Variants in DAAM2 observed in about 807,000 individuals in gnomAD.
DAAM2 encodes the protein dishevelled associated activator of morphogenesis 2, also known as disheveled-associated activator of morphogenesis 2.
DAAM2 carries 39 observed loss-of-function variants against 120.7 expected under a neutral mutation model. The observed-to-expected ratio is 0.32, with a 90% confidence interval of 0.25 to 0.42. The LOEUF (loss-of-function observed/expected upper bound fraction) is 0.42. Ranked by LOEUF, DAAM2 falls within the 10% of genes least tolerant of loss-of-function variation. The pLI is 1.00. For synonymous variants in DAAM2, 488 were observed against 524.9 expected (o/e 0.93, Z 0.96); for missense variants, 1,283 against 1,401.7 (o/e 0.92, Z 1.35).
intron 10 of DAAM2, among the ~76,000 whole-genome samples, chr6:39,873,878 G>T (rs139809172): frequency 2.0e-5 from 3 of 152,290 alleles, no homozygotes; most frequent in Non-Finnish European, 4.4e-5. Context: ...TAAGATCCAG[G>T]TGTGCACAGT....
intron 1 of DAAM2, among the ~76,000 whole-genome samples, chr6:39,798,893 G>A (rs1257127572): frequency 4.6e-5 from 7 of 151,914 alleles, no homozygotes; most frequent in South Asian, 2.1e-4. Flanking sequence ...TTGCATTACC[G>A]TCGAGGAAGG....
intron 19 of DAAM2, among the ~76,000 whole-genome samples, 162 bp from the exon 20 acceptor site, chr6:39,896,650 G>A (rs1195236457): frequency 1.3e-5 from 2 of 152,182 alleles, no homozygotes; most frequent in Non-Finnish European, 2.9e-5. Context: ...ATGTGAAATC[G>A]ATGGGTCTGC....
chr6:39,860,053 A>G (rs1764149634), intron 2 of DAAM2, among the ~76,000 whole-genome samples: 2 of 152,246 alleles, frequency 1.3e-5, no homozygotes, highest in Non-Finnish European at 2.9e-5. Flanking sequence ...TGGCCCATTA[A>G]CTAGTCCTTT....
chr6:39,894,802 A>C (rs936159392), intron 19 of DAAM2, among the ~76,000 whole-genome samples: 1 of 151,954 alleles, frequency 6.6e-6, no homozygotes, highest in African/African-American at 2.4e-5. Flanking sequence ...GTATTTTTGT[A>C]GAGACAGGGT....
At chr6:39,832,664 T>C (rs1364951926) in intron 1 of DAAM2, among the ~76,000 whole-genome samples, 1 of 152,090 alleles carries the variant, frequency 6.6e-6, no homozygotes, top group South Asian at 2.1e-4. Context: ...TGAGGGCAGC[T>C]CCCAGTGCCC....
At chr6:39,850,631 C>A (rs1033747959) in intron 1 of DAAM2, among the ~76,000 whole-genome samples, 1 of 152,312 alleles carries the variant, frequency 6.6e-6, no homozygotes, top group Admixed American at 6.5e-5. Flanking sequence ...GGTCTTTGGG[C>A]AACTTGCCTG....
intron 7 of DAAM2, 103 bp downstream of exon 7, chr6:39,869,036 CT>C: frequency 3.4e-6 from 3 of 872,576 alleles, no homozygotes; most frequent in Admixed American, 4.1e-5. Context: ...GCTATTAAAC[CT>C]GGGAGGGCTC....
chr6:39,871,614 G>A (rs1317309618), intron 9 of DAAM2, 42 bp downstream of exon 9: 2 of 1,531,614 alleles, frequency 1.3e-6, no homozygotes, highest in Admixed American at 3.9e-5. Flanking sequence ...TGGGGTAGTA[G>A]GGTTCTTGGT....
intron 1 of DAAM2, chr6:39,848,976 G>C (rs935076006): frequency 6.6e-5 from 10 of 152,162 alleles, no homozygotes; most frequent in African/African-American, 2.4e-4. Flanking sequence ...ATTATGGTTG[G>C]AATCACTAGA....
At chr6:39,864,179 G>A (rs759042847) in intron 3 of DAAM2, among the ~76,000 whole-genome samples, 13 of 152,102 alleles carry the variant, frequency 8.5e-5, no homozygotes, top group Non-Finnish European at 1.3e-4. Flanking sequence ...AATGGTGCAC[G>A]TTGCTCACTG....
At position 39,865,353 on chromosome 6, in the gene DAAM2, T is replaced by A. The variant is rs1764384207; in HGVS notation, c.428+279T>A. Among the ~76,000 whole-genome samples, 2 of 152,212 alleles carry A rather than the reference T, an allele frequency of 1.3e-5. 1 individual carries two copies. The highest frequency in any genetic ancestry group is 6.3e-3 in the Middle Eastern group (2 of 316). On this transcript the variant is annotated intron_variant, in intron 5 of 24. Coordinates refer to ENST00000274867, the MANE Select transcript of DAAM2 (RefSeq NM_001201427.2). The stretch of plus-strand genomic sequence containing the variant: ...GCTTTTTAAAAATTTATTGATTTAT[T>A]TTTGGTAAGGGGATAGAATAGGAGC...
In DAAM2 at chr6:39,879,486, C is replaced by T. The variant is rs969188293; in HGVS notation, c.1845+9C>T. The T allele has an allele frequency of 1.2e-6, 2 of 1,613,926 alleles. No homozygotes were observed. The highest frequency in any genetic ancestry group is 2.7e-5 in the African/African-American group (2 of 74,950). ...GGGTGAAGCTGAATGAGGTGAGCAT[C>T]TGGGAAGGGGCTGGAGGGCCCATTC... is the stretch of plus-strand genomic sequence containing the variant. On this transcript the variant is annotated intron_variant, in intron 14 of 24. Coordinates refer to ENST00000274867, the MANE Select transcript of DAAM2 (RefSeq NM_001201427.2).
intron 1 of DAAM2, among the ~76,000 whole-genome samples, chr6:39,835,039 C>T (rs75641868): frequency 0.031 from 4,702 of 152,288 alleles, 240 homozygotes; most frequent in African/African-American, 0.11. Flanking sequence ...GTGCGCTTCC[C>T]GCATTATGTC....
At chr6:39,816,364 C>T (rs1299009976) in intron 1 of DAAM2, among the ~76,000 whole-genome samples, 1 of 152,204 alleles carries the variant, frequency 6.6e-6, no homozygotes, top group Non-Finnish European at 1.5e-5. Flanking sequence ...GATTTGATCA[C>T]AGCCACAGGT....
intron 1 of DAAM2, among the ~76,000 whole-genome samples, chr6:39,851,056 G>C (rs1441752933): frequency 6.6e-6 from 1 of 152,190 alleles, no homozygotes; most frequent in African/African-American, 2.4e-5. Flanking sequence ...TTATCTGTAA[G>C]AGGGTATAAT....
intron 1 of DAAM2, among the ~76,000 whole-genome samples, chr6:39,833,672 C>T (rs558859601): frequency 6.6e-6 from 1 of 152,244 alleles, no homozygotes; most frequent in South Asian, 2.1e-4. Context: ...TCAACTGTTC[C>T]TCCCTCTATG....
At chr6:39,823,961 T>A (rs142169495) in intron 1 of DAAM2, among the ~76,000 whole-genome samples, 1 of 152,220 alleles carries the variant, frequency 6.6e-6, no homozygotes, top group East Asian at 1.9e-4. Flanking sequence ...GTATCTCCAC[T>A]CTCTGGTTAC....
intron 1 of DAAM2, among the ~76,000 whole-genome samples, chr6:39,838,217 A>T (rs1763182399): frequency 6.6e-6 from 1 of 152,224 alleles, no homozygotes; most frequent in Non-Finnish European, 1.5e-5. Context: ...TCAACTAGAG[A>T]TCACAGTAAT....
intron 11 of DAAM2, among the ~76,000 whole-genome samples, chr6:39,877,343 C>G (rs1332950308): frequency 6.6e-6 from 1 of 152,090 alleles, no homozygotes; most frequent in Non-Finnish European, 1.5e-5. Flanking sequence ...CAAGTAGGGC[C>G]CCAGTCTACC....
Sources: gnomAD v4.1 joint callset for allele counts (sites outside exome capture counted in the v4.1 genomes callset) on GRCh38, gnomAD v4.1.1 for gene constraint, MANE v1.5 for transcripts, NCBI Gene and HGNC (gene_info 2026-07-23, HGNC 2026-07-21) for gene names.